Variants in TSC22D1 observed in about 807,000 individuals in gnomAD.
The protein encoded by TSC22D1 is TSC22 domain family protein 1.
Under a neutral mutation model 74.2 loss-of-function variants are expected in TSC22D1, and 9 were observed. That is an observed-to-expected ratio of 0.12 (90% CI 0.07 to 0.21). The LOEUF (loss-of-function observed/expected upper bound fraction) is 0.21. Ranked by LOEUF, TSC22D1 falls within the 10% of genes least tolerant of loss-of-function variation. The pLI is 1.00. For missense variants in TSC22D1, 1,427 were observed against 1,304.7 expected, an observed-to-expected ratio of 1.09 and a Z score of -1.44; for synonymous variants, 586 against 492.5, an observed-to-expected ratio of 1.19 and a Z score of -2.51.
At chr13:44,568,664 T>C (rs1477375321) in intron 1 of TSC22D1, among the ~76,000 whole-genome samples, 2 of 152,156 alleles carry the variant, frequency 1.3e-5, no homozygotes, top group African/African-American at 4.8e-5. Flanking sequence ...AATCAGCTCT[T>C]TAATCCTTTA....
chr13:44,571,941 T>C (rs937138095), intron 1 of TSC22D1, among the ~76,000 whole-genome samples: 4 of 152,184 alleles, frequency 2.6e-5, no homozygotes, highest in Non-Finnish European at 5.9e-5. Context: ...ACCTGTTTTC[T>C]TTTTCTAAAA....
chr13:44,512,458 C>T (rs1595128420), intron 1 of TSC22D1, among the ~76,000 whole-genome samples: 1 of 151,616 alleles, frequency 6.6e-6, no homozygotes, highest in African/African-American at 2.4e-5. Context: ...TGTGAGCCAC[C>T]GCGCCCAGCC....
intron 2 of TSC22D1, 172 bp downstream of exon 2, chr13:44,435,872 G>C: frequency 1.4e-6 from 1 of 704,446 alleles, no homozygotes; most frequent in Non-Finnish European, 2.5e-6. Context: ...CTCCCTCCAC[G>C]GCTGCCGTGG....
At chr13:44,555,242 T>C (rs1882555667) in intron 1 of TSC22D1, among the ~76,000 whole-genome samples, 1 of 152,050 alleles carries the variant, frequency 6.6e-6, no homozygotes, top group East Asian at 1.9e-4. Context: ...AATGCCAGAA[T>C]GTTATTCTTA....
At position 44,469,742 on chromosome 13, in the gene TSC22D1, TTATC is replaced by T. The variant is rs527684131; in HGVS notation, c.2913-33651_2913-33648del. Among the ~76,000 whole-genome samples, 47 of 152,212 alleles carry T rather than the reference TTATC, an allele frequency of 3.1e-4. No homozygotes were observed. The East Asian group carries it at 7.5e-3, about 24-fold the overall frequency. On this transcript the variant is annotated intron_variant, in intron 1 of 2. Transcript: ENST00000458659. ...TCCTAGAAGTACAAGCTAGTGAAAT[TTATC>T]TATCTATTTAAGTCATGAAAGTTCC...
intron 1 of TSC22D1, among the ~76,000 whole-genome samples, chr13:44,445,819 G>T (rs1875588987): frequency 6.6e-6 from 1 of 152,108 alleles, no homozygotes; most frequent in South Asian, 2.1e-4. Flanking sequence ...AAACCATAAT[G>T]ATATACCACT....
At chr13:44,551,389 G>GGTGTGTGTGTGT (rs376368576) in intron 1 of TSC22D1, among the ~76,000 whole-genome samples, 9 of 125,252 alleles carry the variant, frequency 7.2e-5, no homozygotes, top group African/African-American at 9.4e-5. Flanking sequence ...CAATCAGATG[G>GGTGTGTGTGTGT]GTGTGTGTGT....
chr13:44,546,715 G>A (rs948169901), intron 1 of TSC22D1, among the ~76,000 whole-genome samples: 1 of 150,042 alleles, frequency 6.7e-6, no homozygotes, highest in Non-Finnish European at 1.5e-5. Context: ...AAGGAAAGCT[G>A]GGTGACAGGT....
chr13:44,448,722 T>A (rs189684464), intron 1 of TSC22D1, among the ~76,000 whole-genome samples: 3 of 152,264 alleles, frequency 2.0e-5, no homozygotes, highest in Non-Finnish European at 4.4e-5. Context: ...TAAAGCAAAA[T>A]GGACCTTGGA....
chr13:44,555,484 T>C (rs1219097795), intron 1 of TSC22D1, among the ~76,000 whole-genome samples: 1 of 152,148 alleles, frequency 6.6e-6, no homozygotes, highest in Non-Finnish European at 1.5e-5. Context: ...CGCGAGCCTG[T>C]CATCCCAGCT....
chr13:44,564,839 G>C (rs370863629), intron 1 of TSC22D1, among the ~76,000 whole-genome samples: 2 of 152,042 alleles, frequency 1.3e-5, no homozygotes, highest in African/African-American at 2.4e-5. Flanking sequence ...TGTTATGTTA[G>C]AGCAATGGCA....
chr13:44,485,728 G>A (rs1878399095), intron 1 of TSC22D1, among the ~76,000 whole-genome samples: 1 of 152,032 alleles, frequency 6.6e-6, no homozygotes, highest in Non-Finnish European at 1.5e-5. Context: ...TGAGTTACAA[G>A]AAAGAACAGT....
intron 1 of TSC22D1, among the ~76,000 whole-genome samples, chr13:44,553,209 T>C (rs974036824): frequency 2.0e-5 from 3 of 152,326 alleles, no homozygotes; most frequent in African/African-American, 7.2e-5. Flanking sequence ...AGGTATTATA[T>C]GATGAAAGAG....
chr13:44,487,884 C>A (rs1487616146), intron 1 of TSC22D1, among the ~76,000 whole-genome samples: 3 of 151,862 alleles, frequency 2.0e-5, no homozygotes, highest in Non-Finnish European at 2.9e-5. Flanking sequence ...GTGGCAATAC[C>A]CCCACTCTAC....
intron 1 of TSC22D1, among the ~76,000 whole-genome samples, chr13:44,550,867 T>C (rs1050646527): frequency 6.6e-6 from 1 of 151,392 alleles, no homozygotes; most frequent in African/African-American, 2.4e-5. Flanking sequence ...ACTTGAGCCC[T>C]GGAGGTTGAG....
At position 44,434,160 on chromosome 13, in the gene TSC22D1, A is replaced by G. The variant is rs1205499630; in HGVS notation, c.*466T>C. ...TGTACAGTGAACTCTGTTCCCCCTCATTTTAGTCTTTTTACCCTCCTTTCA... is the reference window on the plus strand; with the variant it reads ...TGTACAGTGAACTCTGTTCCCCCTCGTTTTAGTCTTTTTACCCTCCTTTCA... On this transcript the variant is annotated 3_prime_UTR_variant, in exon 3 of 3. Transcript: ENST00000458659. The G allele has an allele frequency of 2.0e-6, 3 of 1,478,726 alleles. No homozygotes were observed. Among genetic ancestry groups the G allele is most frequent in the African/African-American group, 2.9e-5 (2 of 69,106 alleles). The allele number at this position is 1,478,726 out of a possible 1,614,324, so 91.6% of individuals were successfully genotyped here. A position where few individuals can be genotyped will look rare whatever the true frequency, so the allele number is the denominator to read the frequency against.
In TSC22D1 at chr13:44,575,230, G is replaced by C; in HGVS notation, c.845C>G (p.Ser282Cys). The change falls in exon 1 of 3, where the codon TCC (serine) becomes TGC (cysteine). Residue 282 changes from serine to cysteine, a missense_variant. By Grantham distance (112) the Ser-to-Cys change is moderately radical. Around this residue, in one of 3 missense-constraint regions of TSC22D1, gnomAD observed 1,343 missense variants for 1,191.5 expected, o/e 1.13. Transcript: ENST00000458659. Reference protein sequence around the residue: ...TPVAPTSAVSSSGSPASVMTN... With the variant: ...TPVAPTSAVSCSGSPASVMTN... ...CATTACAGATGCAGGTGAACCACTG[G>C]ATGATACAGCAGAAGTTGGTGCAAC... The C allele has an allele frequency of 1.2e-6, 2 of 1,614,042 alleles. No homozygotes were observed. Among genetic ancestry groups the C allele is most frequent in the Non-Finnish European group, 1.7e-6 (2 of 1,180,038 alleles).
chr13:44,556,752 G>C (rs1458574743), intron 1 of TSC22D1, among the ~76,000 whole-genome samples: 1 of 152,050 alleles, frequency 6.6e-6, no homozygotes, highest in Non-Finnish European at 1.5e-5. Context: ...TGTAATCCCA[G>C]CTACTCAGGA....
intron 1 of TSC22D1, among the ~76,000 whole-genome samples, chr13:44,518,556 A>C (rs767337366): frequency 6.6e-6 from 1 of 152,240 alleles, no homozygotes; most frequent in Non-Finnish European, 1.5e-5. Context: ...AATTTAATTA[A>C]CATGCAAATT....
Sources: gnomAD v4.1 joint callset for allele counts (sites outside exome capture counted in the v4.1 genomes callset) on GRCh38, gnomAD v4.1.1 for gene constraint, gnomAD v4.1.1 regional missense constraint, MANE v1.5 for transcripts, NCBI Gene and HGNC (gene_info 2026-07-23, HGNC 2026-07-21) for gene names.